The following NOX4 variants were observed in gnomAD, a reference collection of about 807,000 sequenced individuals.
NOX4 encodes kidney oxidase-1.
In NOX4, 69 loss-of-function variants were observed where a neutral mutation model predicts 87.6. That is an observed-to-expected ratio of 0.79 (90% CI 0.65 to 0.96). The LOEUF is 0.96. Ranked by LOEUF, NOX4 falls within the 40% of genes least tolerant of loss-of-function variation. The pLI is 0.00. For synonymous variants in NOX4, 275 were observed against 238.2 expected (o/e 1.15, Z -1.42); for missense variants, 680 against 681.5 (o/e 1.00, Z 0.02).
chr11:89,409,738 TAAAAA>T (rs879309604), intron 8 of NOX4, among the ~76,000 whole-genome samples: 8,214 of 152,024 alleles, frequency 0.054, 684 homozygotes, highest in African/African-American at 0.19. Flanking sequence ...GATATAAAGT[TAAAAA>T]AACTTTATAT....
At position 89,399,950 on chromosome 11, in the gene NOX4, G is replaced by C. The variant is rs1315388737; in HGVS notation, c.1074+67C>G. On this transcript the variant is annotated intron_variant, in intron 11 of 17. Transcript: ENST00000263317. ...TTGAATACCTTTTAGAATGAGACAG[G>C]ACACAAAAAAAGAAAAATATGCATA... 7 of 1,085,976 alleles carry C rather than the reference G, an allele frequency of 6.4e-6. No individual in the cohort carries two copies. The Admixed American group carries it at 8.3e-5, about 13-fold the overall frequency. The allele number at this position is 1,085,976 out of a possible 1,614,324, so 67.3% of individuals were successfully genotyped here.
At chr11:89,419,638 T>C (rs1380447394) in intron 8 of NOX4, among the ~76,000 whole-genome samples, 1 of 151,886 alleles carries the variant, frequency 6.6e-6, no homozygotes, top group Non-Finnish European at 1.5e-5. Flanking sequence ...TAATAATTGA[T>C]TGATTATATA....
intron 17 of NOX4, among the ~76,000 whole-genome samples, chr11:89,327,999 C>T (rs1236961713): frequency 2.0e-5 from 3 of 152,182 alleles, no homozygotes; most frequent in African/African-American, 7.2e-5. Flanking sequence ...AGCACCGTCA[C>T]TCTCTTTGCT....
intron 12 of NOX4, among the ~76,000 whole-genome samples, chr11:89,366,535 G>T (rs777792536): frequency 6.6e-6 from 1 of 151,768 alleles, no homozygotes; most frequent in South Asian, 2.1e-4. Context: ...AATTAGCCAG[G>T]CATGGTGGTC....
chr11:89,536,714 A>G, the NOX4 span, among the ~76,000 whole-genome samples: 1 of 152,046 alleles, frequency 6.6e-6, no homozygotes, highest in African/African-American at 2.4e-5. Flanking sequence ...CCTCATTATT[A>G]TGATTATGGC....
At chr11:89,328,760 A>C (rs1343082629) in intron 17 of NOX4, among the ~76,000 whole-genome samples, 1 of 152,128 alleles carries the variant, frequency 6.6e-6, no homozygotes, top group Non-Finnish European at 1.5e-5. Flanking sequence ...TAAAGGAGGC[A>C]ATTTAAGTTA....
intron 7 of NOX4, among the ~76,000 whole-genome samples, chr11:89,424,485 T>C (rs922991927): frequency 6.6e-6 from 1 of 151,796 alleles, no homozygotes; most frequent in African/African-American, 2.4e-5. Context: ...TATGTAAATA[T>C]TGATAGAATT....
the NOX4 span, among the ~76,000 whole-genome samples, chr11:89,580,173 A>T: frequency 6.6e-6 from 1 of 152,084 alleles, no homozygotes; most frequent in Admixed American, 6.6e-5. Context: ...TTATTTGAAA[A>T]GATATACTAT....
Position 89,400,024 on chromosome 11 carries a change from A to G in NOX4, c.1067T>C (p.Leu356Pro). ...VSALENHPFT[L>P]TMCPTETKAT... is the part of the protein sequence containing the mutation. ...AAGAGATATGTTTCTTACCATTGTG[A>G]GGGTAAATGGATGATTTTCTAATGC... Residue 356 changes from leucine (L) to proline (P), a missense_variant, in exon 11 of 18, where the codon CTC (leucine) becomes CCC (proline). By Grantham distance (98) the Leu-to-Pro change is moderately conservative. Transcript: ENST00000263317. 1.9e-6 allele frequency: 3 copies of G among 1,606,374 alleles called. No individual in the cohort carries two copies. Among genetic ancestry groups the G allele is most frequent in the Non-Finnish European group, 2.6e-6 (3 of 1,174,518 alleles).
upstream of NOX4, among the ~76,000 whole-genome samples, chr11:89,501,128 G>C (rs1019150720): frequency 6.6e-6 from 1 of 151,898 alleles, no homozygotes; most frequent in African/African-American, 2.4e-5. Context: ...CTGCTACTTG[G>C]AACTTTCAGC....
chr11:89,474,118 C>T (rs955399610), intron 2 of NOX4, among the ~76,000 whole-genome samples: 1 of 152,054 alleles, frequency 6.6e-6, no homozygotes, highest in Admixed American at 6.6e-5. Context: ...GCGGTTTTTA[C>T]TTTCCATGGC....
intron 8 of NOX4, among the ~76,000 whole-genome samples, chr11:89,412,910 A>G (rs1274257583): frequency 6.6e-6 from 1 of 152,184 alleles, no homozygotes; most frequent in Non-Finnish European, 1.5e-5. Flanking sequence ...AATGGGGGAA[A>G]ATATTTGCAA....
intron 2 of NOX4, among the ~76,000 whole-genome samples, chr11:89,476,840 A>G (rs193170866): frequency 5.9e-5 from 9 of 152,352 alleles, no homozygotes; most frequent in African/African-American, 2.2e-4. Flanking sequence ...GACTTCAAAA[A>G]TATAATAACA....
At chr11:89,449,406 T>G in intron 4 of NOX4, 34 bp downstream of exon 4, 1 of 1,460,512 alleles carries the variant, frequency 6.8e-7, no homozygotes, top group Non-Finnish European at 9.5e-7. Flanking sequence ...TGTGTAATTC[T>G]AACAAATTAT....
At chr11:89,433,867 C>CCTATGAAA (rs1565286419) in intron 6 of NOX4, among the ~76,000 whole-genome samples, 37 of 152,110 alleles carry the variant, frequency 2.4e-4, no homozygotes, top group African/African-American at 8.7e-4. Flanking sequence ...GAATAGCTAA[C>CCTATGAAA]TGAAAAACAA....
chr11:89,560,682 C>T, the NOX4 span, among the ~76,000 whole-genome samples: 21 of 151,580 alleles, frequency 1.4e-4, no homozygotes, highest in South Asian at 1.0e-3. Flanking sequence ...GGCAAATTTG[C>T]TCTCCTTCTT....
Position 89,451,881 on chromosome 11 carries a change from T to C in NOX4, c.168A>G (p.Leu56=), listed in dbSNP as rs1944978952. The change falls in exon 3 of 18, where the codon CTA becomes CTG. Residue 56 remains leucine (L), a synonymous_variant. Coordinates refer to ENST00000263317, the MANE Select transcript of NOX4 (RefSeq NM_016931.5). ...TAAGAACAGATGCTGAGGCTCTGCT[T>C]AGACACAATCCTAGCTGAACAAATA... ...LHQMLGLGLC[L]SRASASVLNL... is the part of the protein sequence containing the mutation. The C allele has an allele frequency of 6.2e-7, 1 of 1,612,228 alleles. No homozygotes were observed. Among genetic ancestry groups the C allele is most frequent in the Non-Finnish European group, 8.5e-7 (1 of 1,178,490 alleles).
chr11:89,428,932 C>T (rs1381348146), intron 7 of NOX4, among the ~76,000 whole-genome samples: 1 of 152,202 alleles, frequency 6.6e-6, no homozygotes, highest in East Asian at 1.9e-4. Context: ...AACCACATCG[C>T]ACTTATTCCA....
intron 11 of NOX4, among the ~76,000 whole-genome samples, chr11:89,391,955 T>TTC (rs576520833): frequency 0.022 from 3,086 of 142,982 alleles, 55 homozygotes; most frequent in East Asian, 0.1. Flanking sequence ...CCCCTTCTCC[T>TTC]TCCTTCCTTC....
Sources: gnomAD v4.1 joint callset for allele counts (sites outside exome capture counted in the v4.1 genomes callset) on GRCh38, gnomAD v4.1.1 for gene constraint, MANE v1.5 for transcripts, NCBI Gene and HGNC (gene_info 2026-07-23, HGNC 2026-07-21) for gene names.